RANBP2: variants seen among roughly 807,000 people sequenced by gnomAD.
RANBP2 encodes the protein RAN binding protein 2.
RANBP2 carries 57 observed loss-of-function variants against 303.6 expected under a neutral mutation model. The ratio of observed to expected loss-of-function variants is 0.19; its 90% CI spans 0.15 to 0.23. The LOEUF (loss-of-function observed/expected upper bound fraction) is 0.23, where lower values mean the gene tolerates loss of function less well. Ranked by LOEUF, RANBP2 falls within the 10% of genes least tolerant of loss-of-function variation. RANBP2 has a pLI of 1.00. For synonymous variants in RANBP2, 1,167 were observed against 1,301.5 expected (o/e 0.90, Z 2.23); for missense variants, 3,138 against 3,780.8 (o/e 0.83, Z 4.46).
chr2:109,297,757 G>A, the RANBP2 span, among the ~76,000 whole-genome samples: 1 of 150,552 alleles, frequency 6.6e-6, no homozygotes, highest in Non-Finnish European at 1.5e-5. Context: ...CCCTTATCCA[G>A]TCAGTGCCTC....
At chr2:108,811,053 G>A in the RANBP2 span, among the ~76,000 whole-genome samples, 185 of 151,128 alleles carry the variant, frequency 1.2e-3, no homozygotes, top group African/African-American at 4.4e-3. Flanking sequence ...TTTTGTTTCC[G>A]ATTTTTCCGA....
the RANBP2 span, among the ~76,000 whole-genome samples, chr2:109,355,340 G>A: frequency 3.3e-5 from 5 of 152,204 alleles, no homozygotes; most frequent in Admixed American, 6.5e-5. Flanking sequence ...GGTGATGCCT[G>A]TGGTTTCTGG....
At chr2:109,305,183 G>A in the RANBP2 span, among the ~76,000 whole-genome samples, 2 of 152,162 alleles carry the variant, frequency 1.3e-5, no homozygotes, top group Non-Finnish European at 2.9e-5. Flanking sequence ...TGGGTTAGTT[G>A]CCAGGGTTGT....
At chr2:109,282,354 C>G in the RANBP2 span, among the ~76,000 whole-genome samples, 2 of 152,212 alleles carry the variant, frequency 1.3e-5, no homozygotes, top group East Asian at 3.9e-4. Context: ...AAATCTACCC[C>G]AGGGGAAAAG....
the RANBP2 span, among the ~76,000 whole-genome samples, chr2:109,588,180 C>T: frequency 2.6e-5 from 4 of 150,958 alleles, no homozygotes; most frequent in East Asian, 5.8e-4. Flanking sequence ...AAAATGAAGA[C>T]AACTTCAGAT....
chr2:109,606,582 T>C, the RANBP2 span, among the ~76,000 whole-genome samples: 280 of 150,408 alleles, frequency 1.9e-3, no homozygotes, highest in African/African-American at 6.5e-3. Flanking sequence ...CCTGCAAAGA[T>C]CTTCAGAGAT....
chr2:109,677,010 A>G, the RANBP2 span, among the ~76,000 whole-genome samples: 8 of 152,016 alleles, frequency 5.3e-5, no homozygotes, highest in African/African-American at 1.9e-4. Flanking sequence ...CATTTGCCCC[A>G]CACCTCACTA....
the RANBP2 span, chr2:108,794,521 A>C: frequency 6.3e-7 from 1 of 1,581,500 alleles, no homozygotes; most frequent in Admixed American, 1.8e-5. Flanking sequence ...TTATAATGCA[A>C]ATGTTATTTT....
At chr2:109,682,442 C>T in the RANBP2 span, among the ~76,000 whole-genome samples, 1 of 152,188 alleles carries the variant, frequency 6.6e-6, no homozygotes, top group Non-Finnish European at 1.5e-5. Flanking sequence ...TGGAAATTTG[C>T]TCCAGCTGTC....
At chr2:109,627,385 T>C in the RANBP2 span, among the ~76,000 whole-genome samples, 1 of 152,072 alleles carries the variant, frequency 6.6e-6, no homozygotes, top group Non-Finnish European at 1.5e-5. Flanking sequence ...TTAGTAGAGA[T>C]GGGGTTTCAC....
the RANBP2 span, among the ~76,000 whole-genome samples, chr2:109,734,520 T>C: frequency 6.6e-6 from 1 of 152,196 alleles, no homozygotes; most frequent in Non-Finnish European, 1.5e-5. Context: ...ATTCTGTGTT[T>C]GTGGATAGGA....
the RANBP2 span, chr2:108,846,797 A>G: frequency 6.2e-7 from 1 of 1,612,770 alleles, no homozygotes; most frequent in Non-Finnish European, 8.5e-7. Flanking sequence ...AAGGAGTGGT[A>G]ACTAAAGGAA....
chr2:109,502,501 A>G, the RANBP2 span: 1 of 152,164 alleles, frequency 6.6e-6, no homozygotes, highest in East Asian at 1.9e-4. Context: ...TATTTCCCAT[A>G]TGGCTTTGGG....
chr2:108,957,206 T>C, the RANBP2 span, among the ~76,000 whole-genome samples: 1 of 152,236 alleles, frequency 6.6e-6, no homozygotes, highest in Non-Finnish European at 1.5e-5. Context: ...GTTCCAGCCC[T>C]CACACTGCAT....
the RANBP2 span, among the ~76,000 whole-genome samples, chr2:109,300,626 G>C: frequency 6.6e-6 from 1 of 152,122 alleles, no homozygotes; most frequent in African/African-American, 2.4e-5. Flanking sequence ...TCTTCCTGGT[G>C]GTAAGAAACC....
chr2:109,215,307 A>G, the RANBP2 span, among the ~76,000 whole-genome samples: 5 of 152,230 alleles, frequency 3.3e-5, no homozygotes, highest in African/African-American at 9.6e-5. Flanking sequence ...ATAAGTCTTC[A>G]TTATACAATT....
chr2:108,773,662 G>GA (rs1553500326), intron 23 of RANBP2, among the ~76,000 whole-genome samples: 3 of 149,078 alleles, frequency 2.0e-5, no homozygotes, highest in African/African-American at 7.4e-5. Context: ...TTTTTTTTTG[G>GA]GGGGGGATGG....
the RANBP2 span, among the ~76,000 whole-genome samples, chr2:109,265,759 TA>T: frequency 2.6e-5 from 4 of 152,076 alleles, no homozygotes; most frequent in Non-Finnish European, 5.9e-5. Context: ...ATGTTTAATT[TA>T]AAAAAAGAGA....
At chr2:108,948,181 G>T in the RANBP2 span, among the ~76,000 whole-genome samples, 1 of 152,220 alleles carries the variant, frequency 6.6e-6, no homozygotes, top group African/African-American at 2.4e-5. Flanking sequence ...AGCATAGCAA[G>T]AGTGACCTTT....
Sources: gnomAD v4.1 joint callset for allele counts (sites outside exome capture counted in the v4.1 genomes callset) on GRCh38, gnomAD v4.1.1 for gene constraint, MANE v1.5 for transcripts, NCBI Gene and HGNC (gene_info 2026-07-23, HGNC 2026-07-21) for gene names.